POLA2: variants seen among roughly 807,000 people sequenced by gnomAD.
The protein encoded by POLA2 is DNA polymerase alpha 2, accessory subunit, also known as DNA polymerase alpha subunit B.
In POLA2, 47 loss-of-function variants were observed where a neutral mutation model predicts 82.8. That is an observed-to-expected ratio of 0.57 (90% confidence interval 0.45 to 0.72). The LOEUF (loss-of-function observed/expected upper bound fraction) is 0.72. POLA2 is among the 30% of genes least tolerant of loss of function. The probability of loss-of-function intolerance (pLI) is 0.00; values close to 1 mark genes in which losing one functional copy is unlikely to be tolerated. For synonymous variants in POLA2, 287 were observed against 286.8 expected, an observed-to-expected ratio of 1.00 and a Z score of -0.01; for missense variants, 634 against 728.1, an observed-to-expected ratio of 0.87 and a Z score of 1.49.
Position 65,279,607 on chromosome 11 carries a change from C to T in POLA2, c.725C>T (p.Pro242Leu). 1.2e-6 allele frequency: 2 copies of T among 1,612,626 alleles called. No individual in the cohort carries two copies. The highest frequency in any genetic ancestry group is 1.7e-6 in the Non-Finnish European group (2 of 1,178,692). ...CATTACAAGATTGAAGCTTTCACTCCTTTGCTAGCCCCAGCACAGGTAAGA... is the reference window on the plus strand; with the variant it reads ...CATTACAAGATTGAAGCTTTCACTCTTTTGCTAGCCCCAGCACAGGTAAGA... ...KEHYKIEAFT[P>L]LLAPAQEPVT... The change falls in exon 7 of 18, where the codon CCT becomes CTT. Residue 242 changes from proline to leucine, a missense_variant. Physicochemically the swap from Pro to Leu is moderately conservative, Grantham distance 98. Transcript: ENST00000265465.
At chr11:65,292,906 A>C (rs765459040) in intron 13 of POLA2, among the ~76,000 whole-genome samples, 4 of 152,188 alleles carry the variant, frequency 2.6e-5, no homozygotes, top group Non-Finnish European at 5.9e-5. Context: ...TGCCTATTTG[A>C]TTTATAAACG....
chr11:65,301,298 C>T (rs1445103569), downstream of POLA2, among the ~76,000 whole-genome samples: 1 of 152,108 alleles, frequency 6.6e-6, no homozygotes, highest in African/African-American at 2.4e-5. Context: ...TCTTTCTGCC[C>T]CAGAGAATCT....
intron 6 of POLA2, among the ~76,000 whole-genome samples, chr11:65,279,171 A>T (rs1949613767): frequency 6.6e-6 from 1 of 152,218 alleles, no homozygotes; most frequent in South Asian, 2.1e-4. Flanking sequence ...TGAACGATGT[A>T]AAGGAATTCA....
At chr11:65,289,218 T>C in intron 12 of POLA2, 130 bp downstream of exon 12, 1 of 685,878 alleles carries the variant, frequency 1.5e-6, no homozygotes. Context: ...GAAAATCATT[T>C]TAGCAGAGCA....
chr11:65,275,886 C>T lies in POLA2; in HGVS notation c.355-6C>T, dbSNP rs1949572478. ...CTGAGATTTTGTTTTCCTTTTTTTT[C>T]CCTAGGGTTCTCAGAAGCGAGCTAT... On this transcript the variant is annotated splice_polypyrimidine_tract_variant and splice_region_variant and intron_variant, in intron 4 of 17. Transcript: ENST00000265465. The T allele has an allele frequency of 6.4e-7, 1 of 1,567,062 alleles. No homozygotes were observed.
At chr11:65,267,427 TG>T in intron 2 of POLA2, 49 bp from the exon 3 acceptor site, 1 of 1,086,284 alleles carries the variant, frequency 9.2e-7, no homozygotes, top group East Asian at 2.4e-5. Context: ...AAAACACCTC[TG>T]CTATTACTTG....
intron 15 of POLA2, 48 bp from the exon 16 acceptor site, chr11:65,295,492 T>C: frequency 6.7e-7 from 1 of 1,498,930 alleles, no homozygotes; most frequent in South Asian, 1.1e-5. Flanking sequence ...TGAAGAGAAA[T>C]GGGCTGAAAA....
chr11:65,277,738 G>A (rs773560742), intron 5 of POLA2, among the ~76,000 whole-genome samples: 25 of 152,222 alleles, frequency 1.6e-4, no homozygotes, highest in Non-Finnish European at 2.8e-4. Context: ...TGCTGTAATG[G>A]ATGGCTCATG....
At chr11:65,274,445 C>T (rs1362764372) in intron 4 of POLA2, among the ~76,000 whole-genome samples, 2 of 151,642 alleles carry the variant, frequency 1.3e-5, no homozygotes, top group Non-Finnish European at 2.9e-5. Flanking sequence ...TTTGGGAGGC[C>T]GAGGCAGGTG....
In POLA2 at chr11:65,295,602, G is replaced by A. The variant is rs1590911582; in HGVS notation, c.1520+3G>A. On this transcript the variant is annotated splice_donor_region_variant and intron_variant, in intron 16 of 17. Transcript: ENST00000265465. ...AAGCACATCTTGACCCAGAGGAGGT[G>A]AGCTTGCCGCTGGGACCCCTGACTG... 1 of 1,612,332 alleles carries A rather than the reference G, an allele frequency of 6.2e-7. No individual in the cohort carries two copies. The highest frequency in any genetic ancestry group is 1.3e-5 in the African/African-American group (1 of 74,912).
In POLA2 at chr11:65,268,594, G is replaced by A. The variant is rs143847188; in HGVS notation, c.297-78G>A. Reference sequence around the variant, plus strand: ...CCTGATCTCGTGATCCGCCCATCTCGGCCTCCCAAAGTGCTGGGATTACAG... The same window carrying A: ...CCTGATCTCGTGATCCGCCCATCTCAGCCTCCCAAAGTGCTGGGATTACAG... On this transcript the variant is annotated intron_variant, in intron 3 of 17. Coordinates refer to ENST00000265465, the MANE Select transcript of POLA2 (RefSeq NM_002689.4). 1,464 of 840,708 alleles carry A rather than the reference G, an allele frequency of 1.7e-3. 14 individuals carry two copies. The African/African-American group carries it at 0.021, about 12-fold the overall frequency. 52.1% of individuals were successfully genotyped at this position (840,708 alleles called of 1,614,324 possible).
intron 13 of POLA2, among the ~76,000 whole-genome samples, chr11:65,291,733 G>A (rs187618563): frequency 4.2e-4 from 64 of 152,340 alleles, no homozygotes; most frequent in Admixed American, 2.0e-3. Context: ...TGACAGCAGT[G>A]ATAGAAATAA....
chr11:65,289,118 G>A, intron 12 of POLA2, 30 bp downstream of exon 12: 1 of 1,591,262 alleles, frequency 6.3e-7, no homozygotes, highest in East Asian at 2.2e-5. Flanking sequence ...AAGGGGTCCT[G>A]GGTACTTGAA....
At chr11:65,294,064 A>G (rs563821080) in intron 13 of POLA2, 89 bp from the exon 14 acceptor site, 3 of 1,102,728 alleles carry the variant, frequency 2.7e-6, no homozygotes, top group Non-Finnish European at 4.2e-6. Context: ...CTCTGCCTCC[A>G]GCCTGAGGCA....
Position 65,294,625 on chromosome 11 carries a change from T to C in POLA2, c.1433T>C (p.Phe478Ser), listed in dbSNP as rs765840680. 1.7e-5 allele frequency: 27 copies of C among 1,613,850 alleles called. No homozygotes were observed. The highest frequency in any genetic ancestry group is 8.5e-7 in the Non-Finnish European group (1 of 1,179,888). ...IFGLTSTDLL[F>S]HLGAEEISSS... ...GGCTTGACATCCACAGATCTGCTTTTCCACCTGGGGGCCGAGGAGATCAGT... is the reference window on the plus strand; with the variant it reads ...GGCTTGACATCCACAGATCTGCTTTCCCACCTGGGGGCCGAGGAGATCAGT... The change falls in exon 15 of 18, where the codon TTC (phenylalanine) becomes TCC (serine). Residue 478 changes from phenylalanine (F) to serine (S), a missense_variant. By Grantham distance (155) the Phe-to-Ser change is radical. Transcript: ENST00000265465.
chr11:65,305,116 C>T (rs1949880136), intron 8 of POLA2, among the ~76,000 whole-genome samples: 1 of 151,924 alleles, frequency 6.6e-6, no homozygotes, highest in African/African-American at 2.4e-5. Flanking sequence ...ATCTCCAGCT[C>T]TCACACCACT....
At chr11:65,287,590 C>T (rs1488281113) in intron 10 of POLA2, 126 bp from the exon 11 acceptor site, 15 of 793,804 alleles carry the variant, frequency 1.9e-5, no homozygotes, top group Non-Finnish European at 3.0e-5. Context: ...ACCTTGGGTC[C>T]CCAGAGTTTC....
chr11:65,287,353 C>A (rs1381246302), intron 10 of POLA2, among the ~76,000 whole-genome samples: 1 of 152,196 alleles, frequency 6.6e-6, no homozygotes, highest in Non-Finnish European at 1.5e-5. Flanking sequence ...ACACTCAGGT[C>A]TCAGTGCTAT....
At chr11:65,281,298 G>A in intron 8 of POLA2, 151 bp downstream of exon 8, 1 of 856,006 alleles carries the variant, frequency 1.2e-6, no homozygotes, top group East Asian at 2.5e-5. Context: ...CCACTGTTGG[G>A]ATTCCTGTTT....
Sources: gnomAD v4.1 joint callset for allele counts (sites outside exome capture counted in the v4.1 genomes callset) on GRCh38, gnomAD v4.1.1 for gene constraint, MANE v1.5 for transcripts, NCBI Gene and HGNC (gene_info 2026-07-23, HGNC 2026-07-21) for gene names.